Variants in ITGB2 observed in about 807,000 individuals in gnomAD.
The protein encoded by ITGB2 is integrin beta-2.
In ITGB2, 56 loss-of-function variants were observed where a neutral mutation model predicts 86.8. That is an observed-to-expected ratio of 0.65 (90% confidence interval 0.52 to 0.81). The LOEUF (loss-of-function observed/expected upper bound fraction) is 0.81, where lower values mean the gene tolerates loss of function less well. Ranked by LOEUF, ITGB2 falls within the 30% of genes least tolerant of loss-of-function variation. The probability of loss-of-function intolerance (pLI) is 0.00; values close to 1 mark genes in which losing one functional copy is unlikely to be tolerated. For missense variants in ITGB2, 948 were observed against 1,061.2 expected, an observed-to-expected ratio of 0.89 and a Z score of 1.48; for synonymous variants, 457 against 450.4, an observed-to-expected ratio of 1.01 and a Z score of -0.19.
intron 11 of ITGB2, 144 bp downstream of exon 11, chr21:44,891,665 C>T: frequency 1.2e-6 from 1 of 856,248 alleles, no homozygotes; most frequent in Middle Eastern, 3.5e-4. Flanking sequence ...AATCTCCCCA[C>T]CTCCTGCAGA....
At chr21:44,918,066 G>C (rs2084237407) in intron 1 of ITGB2, among the ~76,000 whole-genome samples, 1 of 152,226 alleles carries the variant, frequency 6.6e-6, no homozygotes, top group Admixed American at 6.5e-5. Flanking sequence ...CTGGCACCAG[G>C]TCCGGCTTGG....
chr21:44,916,153 C>T (rs896831227), intron 1 of ITGB2, among the ~76,000 whole-genome samples: 16 of 152,240 alleles, frequency 1.1e-4, no homozygotes, highest in Admixed American at 5.9e-4. Context: ...GAACTCCTGA[C>T]CTCGTGATCC....
In ITGB2 at chr21:44,901,688, G is replaced by A. The variant is rs201354969; in HGVS notation, c.545C>T (p.Thr182Met). ...VDKTVLPFVN[T>M]HPDKLRNPCP... ...TGGGTTTCGCAGCTTATCAGGGTGC[G>A]TGTTCACGAACGGCAGCACGGTCTT... Residue 182 changes from threonine to methionine, a missense_variant, in exon 6 of 16, where the codon ACG becomes ATG. Coordinates refer to ENST00000652462, the MANE Select transcript of ITGB2 (RefSeq NM_000211.5). 1.7e-5 allele frequency: 27 copies of A among 1,613,570 alleles called. No homozygotes were observed. The highest frequency in any genetic ancestry group is 6.7e-5 in the East Asian group (3 of 44,876).
At chr21:44,926,210 G>A (rs543090189) in intron 1 of ITGB2, among the ~76,000 whole-genome samples, 5 of 134,344 alleles carry the variant, frequency 3.7e-5, no homozygotes, top group East Asian at 3.9e-4. Flanking sequence ...TCCCAGAGCC[G>A]TGACCTTGCT....
chr21:44,902,596 C>G (rs1237711723), intron 5 of ITGB2, among the ~76,000 whole-genome samples: 4 of 151,766 alleles, frequency 2.6e-5, no homozygotes, highest in Non-Finnish European at 1.5e-5. Flanking sequence ...TGTGAGCATG[C>G]ATTCGCGTGT....
chr21:44,903,598 G>A lies in ITGB2; in HGVS notation c.329-63C>T, dbSNP rs561789289. On this transcript the variant is annotated intron_variant, in intron 4 of 15. Transcript: ENST00000652462. Reference sequence around the variant, plus strand: ...CATCTCACACAGGGTGTCTGGGGGCGTGTGGCCCCGAGCGGGCTGTGCACT... The same window carrying A: ...CATCTCACACAGGGTGTCTGGGGGCATGTGGCCCCGAGCGGGCTGTGCACT... 5.2e-5 allele frequency: 83 copies of A among 1,591,938 alleles called. No homozygotes were observed. In the African/African-American group the frequency reaches 5.2e-4, roughly 10 times the overall value.
chr21:44,901,372 C>A lies in ITGB2; in HGVS notation c.741+120G>T, dbSNP rs1326101134. ...GGGTGAGGAGCTGCTCTCCCCAGGC[C>A]CAGGCTGGAGTCCCTCAGACGACCT... On this transcript the variant is annotated intron_variant, in intron 6 of 15. Transcript: ENST00000652462. 24 of 1,312,310 alleles carry A rather than the reference C, an allele frequency of 1.8e-5. 1 individual carries two copies. In the South Asian group the frequency reaches 3.3e-4, roughly 18 times the overall value. 81.3% of individuals were successfully genotyped at this position (1,312,310 alleles called of 1,614,324 possible).
chr21:44,901,941 G>T, intron 5 of ITGB2: 1 of 602,464 alleles, frequency 1.7e-6, no homozygotes, highest in Non-Finnish European at 2.9e-6. Flanking sequence ...GAACCTGGGA[G>T]TGTGCAATGT....
chr21:44,893,133 C>T (rs1194403608), intron 10 of ITGB2: 3 of 415,796 alleles, frequency 7.2e-6, no homozygotes, highest in African/African-American at 2.0e-5. Context: ...ACGTTCCTGA[C>T]ATCAGCTTCA....
intron 3 of ITGB2, among the ~76,000 whole-genome samples, chr21:44,907,779 C>G (rs531550818): frequency 1.3e-5 from 2 of 152,294 alleles, no homozygotes; most frequent in South Asian, 4.1e-4. Context: ...GGAGGATAAG[C>G]CCGGCCCCCA....
chr21:44,895,888 A>AAAAAAAT (rs1568887145), intron 8 of ITGB2, among the ~76,000 whole-genome samples: 13,060 of 135,622 alleles, frequency 0.096, 822 homozygotes, highest in Non-Finnish European at 0.14. Flanking sequence ...AAAAATAAAT[A>AAAAAAAT]AAATAAAATA....
chr21:44,890,403 C>G (rs866134769), intron 11 of ITGB2, among the ~76,000 whole-genome samples, 181 bp from the exon 12 acceptor site: 1 of 152,230 alleles, frequency 6.6e-6, no homozygotes, highest in Non-Finnish European at 1.5e-5. Context: ...GCAGGGGCCC[C>G]GCGTTCCCTC....
intron 1 of ITGB2, among the ~76,000 whole-genome samples, chr21:44,915,117 A>G (rs2084187356): frequency 6.6e-6 from 1 of 151,740 alleles, no homozygotes; most frequent in Non-Finnish European, 1.5e-5. Flanking sequence ...TCCGCCTCCC[A>G]GGTTCATGCC....
chr21:44,892,017 C>CATG (rs1568883884), intron 10 of ITGB2, 21 bp from the exon 11 acceptor site: 6 of 1,608,384 alleles, frequency 3.7e-6, no homozygotes, highest in Non-Finnish European at 4.2e-6. Flanking sequence ...GTGCTGGGCT[C>CATG]AGGTGGGGAC....
intron 1 of ITGB2, among the ~76,000 whole-genome samples, chr21:44,916,887 G>T (rs924412288): frequency 4.1e-5 from 6 of 146,812 alleles, no homozygotes; most frequent in African/African-American, 1.6e-4. Context: ...AAAAAAAAAA[G>T]CTAAGGGGGA....
At chr21:44,925,844 C>T (rs562077781), upstream of ITGB2, among the ~76,000 whole-genome samples, 12 of 152,188 alleles carry the variant, frequency 7.9e-5, no homozygotes, top group South Asian at 6.2e-4. Flanking sequence ...TTTTGGAGGC[C>T]GAGGCGGGTG....
intron 14 of ITGB2, among the ~76,000 whole-genome samples, chr21:44,888,351 A>G (rs1248577719): frequency 6.6e-6 from 1 of 152,262 alleles, no homozygotes; most frequent in Non-Finnish European, 1.5e-5. Context: ...CTGCAACTGC[A>G]AGCCTTGCCC....
intron 8 of ITGB2, among the ~76,000 whole-genome samples, chr21:44,895,882 AT>A (rs1482130530): frequency 5.7e-5 from 7 of 122,374 alleles, no homozygotes; most frequent in African/African-American, 3.5e-4. Context: ...AAATAAAAAA[AT>A]AAATAAAATA....
At chr21:44,897,767 G>A (rs1023557370) in intron 8 of ITGB2, among the ~76,000 whole-genome samples, 5 of 152,130 alleles carry the variant, frequency 3.3e-5, no homozygotes, top group South Asian at 2.1e-4. Flanking sequence ...CCTGAAGAAC[G>A]GGGCACGTGG....
Sources: allele counts gnomAD v4.1 joint callset (sites outside exome capture counted in the v4.1 genomes callset), GRCh38; gene constraint gnomAD v4.1.1; transcripts MANE v1.5; gene names NCBI Gene and HGNC (gene_info 2026-07-23, HGNC 2026-07-21).